Variants in RBFOX1 observed in about 807,000 individuals in gnomAD.
RBFOX1 encodes the protein RNA binding protein fox-1 homolog 1.
In RBFOX1, 8 loss-of-function variants were observed where a neutral mutation model predicts 57.7. That is an observed-to-expected ratio of 0.14 (90% CI 0.08 to 0.25). RBFOX1 has a LOEUF of 0.25. Among genes scored for constraint, RBFOX1 ranks in the 10% least tolerant of loss-of-function variants. The probability of loss-of-function intolerance (pLI) is 1.00; values close to 1 mark genes in which losing one functional copy is unlikely to be tolerated. For missense variants in RBFOX1, 611 were observed against 548.5 expected, an observed-to-expected ratio of 1.11 and a Z score of -1.14; for synonymous variants, 326 against 222.4, an observed-to-expected ratio of 1.47 and a Z score of -4.15.
At chr16:5,460,849 G>C (rs568538290) in intron 1 of RBFOX1, among the ~76,000 whole-genome samples, 1 of 152,260 alleles carries the variant, frequency 6.6e-6, no homozygotes, top group East Asian at 1.9e-4. Context: ...CCCATTGCAG[G>C]AGCGGAGCAC....
chr16:6,219,643 G>C (rs2097358900), intron 1 of RBFOX1, among the ~76,000 whole-genome samples: 1 of 152,078 alleles, frequency 6.6e-6, no homozygotes, highest in South Asian at 2.1e-4. Context: ...GGGAGGCCGA[G>C]GTGGGCAGAT....
chr16:6,541,726 A>G (rs1481240071), intron 2 of RBFOX1, among the ~76,000 whole-genome samples: 1 of 152,186 alleles, frequency 6.6e-6, no homozygotes, highest in Non-Finnish European at 1.5e-5. Context: ...AGCTGCTAAG[A>G]TAGTAGCTGT....
intron 3 of RBFOX1, among the ~76,000 whole-genome samples, chr16:6,752,049 G>T (rs978667040): frequency 3.9e-5 from 6 of 152,110 alleles, no homozygotes; most frequent in Non-Finnish European, 5.9e-5. Flanking sequence ...TTCAACTTCA[G>T]AAAGGTGTTA....
chr16:6,010,578 T>G (rs888079891), intron 4 of RBFOX1, among the ~76,000 whole-genome samples: 1 of 152,206 alleles, frequency 6.6e-6, no homozygotes, highest in Non-Finnish European at 1.5e-5. Flanking sequence ...ATGGTCGACT[T>G]CTGGAGGAAG....
chr16:7,039,981 T>C (rs1343535439), intron 3 of RBFOX1, among the ~76,000 whole-genome samples: 4 of 150,868 alleles, frequency 2.7e-5, no homozygotes, highest in South Asian at 4.3e-4. Flanking sequence ...CATTTACTCT[T>C]TTGGTGCTAT....
intron 4 of RBFOX1, among the ~76,000 whole-genome samples, chr16:7,151,367 A>G (rs1238274552): frequency 6.6e-6 from 1 of 152,170 alleles, no homozygotes; most frequent in Non-Finnish European, 1.5e-5. Flanking sequence ...TCATGAAATT[A>G]GGACTGCAAA....
In RBFOX1 at chr16:6,685,543, C is replaced by G. The variant is rs138450304; in HGVS notation, c.-16+30893C>G. ...CCTCCGGTGATCCGCGTTCCTCACT[C>G]TCCCAAAGTGCTGGGATTACAGGCA... On this transcript the variant is annotated intron_variant, in intron 3 of 15. Coordinates refer to ENST00000550418, the MANE Select transcript of RBFOX1 (RefSeq NM_018723.4). Among the ~76,000 whole-genome samples, 551 of 151,466 alleles carry G rather than the reference C, an allele frequency of 3.6e-3. 6 individuals are homozygous for G. Among genetic ancestry groups the G allele is most frequent in the African/African-American group, 0.012 (515 of 41,266 alleles).
chr16:5,921,641 A>G (rs1416338492), intron 4 of RBFOX1, among the ~76,000 whole-genome samples: 1 of 152,192 alleles, frequency 6.6e-6, no homozygotes, highest in East Asian at 1.9e-4. Context: ...GCGTTGCCCT[A>G]AAGAAATACC....
At chr16:6,193,394 A>ATATATATATATATACAT (rs2034292249) in intron 1 of RBFOX1, among the ~76,000 whole-genome samples, 1 of 24,548 alleles carries the variant, frequency 4.1e-5, no homozygotes. Flanking sequence ...TATATATACT[A>ATATATATATATATACAT]TATATATATA....
chr16:7,372,928 G>A (rs1165162174), intron 4 of RBFOX1, among the ~76,000 whole-genome samples: 1 of 136,958 alleles, frequency 7.3e-6, no homozygotes, highest in Non-Finnish European at 1.6e-5. Context: ...TAAAAACATA[G>A]AAATTGCATT....
At chr16:5,758,173 A>G (rs994654344) in intron 3 of RBFOX1, among the ~76,000 whole-genome samples, 1 of 152,132 alleles carries the variant, frequency 6.6e-6, no homozygotes, top group African/African-American at 2.4e-5. Context: ...TTTCTTCTGA[A>G]CTCTGCCATC....
chr16:5,364,467 C>G (rs989798415), intron 1 of RBFOX1, among the ~76,000 whole-genome samples: 5 of 152,220 alleles, frequency 3.3e-5, no homozygotes, highest in African/African-American at 1.2e-4. Flanking sequence ...CAAGTACAGC[C>G]TCAGCCAAGA....
chr16:5,941,818 C>T (rs764542990), intron 4 of RBFOX1, among the ~76,000 whole-genome samples: 12 of 151,792 alleles, frequency 7.9e-5, no homozygotes, highest in South Asian at 2.1e-4. Flanking sequence ...TTGCTCCGTG[C>T]GAAATAGACA....
chr16:7,242,011 CT>C (rs989381270), intron 4 of RBFOX1, among the ~76,000 whole-genome samples: 2 of 151,966 alleles, frequency 1.3e-5, no homozygotes, highest in African/African-American at 4.8e-5. Flanking sequence ...TTGGTAATCC[CT>C]TTTTTTGTGC....
intron 3 of RBFOX1, among the ~76,000 whole-genome samples, chr16:5,679,584 AT>A (rs2050267590): frequency 6.6e-6 from 1 of 152,044 alleles, no homozygotes; most frequent in African/African-American, 2.4e-5. Context: ...ACTCCCACTT[AT>A]GAGTGAGAAC....
rs560305598 is a variant in RBFOX1, at chr16:6,937,020, C to T, written c.-15-115037C>T. Among the ~76,000 whole-genome samples, 15 of 151,452 alleles carry T rather than the reference C, an allele frequency of 9.9e-5. No homozygotes were observed. The East Asian group carries it at 2.0e-3, about 20-fold the overall frequency. On this transcript the variant is annotated intron_variant, in intron 3 of 15. Transcript: ENST00000550418. ...TGACGAGTTAGTGGGGGTAGCACAC[C>T]AGCATTGCACATGTATACGTATGTA...
At chr16:7,188,188 G>A (rs1009292610) in intron 4 of RBFOX1, among the ~76,000 whole-genome samples, 1 of 152,182 alleles carries the variant, frequency 6.6e-6, no homozygotes, top group African/African-American at 2.4e-5. Flanking sequence ...GTATAAATAC[G>A]ATGGAATGAA....
At chr16:6,969,295 G>C (rs908650983) in intron 3 of RBFOX1, among the ~76,000 whole-genome samples, 1 of 152,160 alleles carries the variant, frequency 6.6e-6, no homozygotes, top group African/African-American at 2.4e-5. Flanking sequence ...GTTACTCAAC[G>C]AATCCTATTT....
chr16:7,128,412 G>A (rs1471613558), intron 4 of RBFOX1, among the ~76,000 whole-genome samples: 1 of 152,172 alleles, frequency 6.6e-6, no homozygotes, highest in Non-Finnish European at 1.5e-5. Flanking sequence ...GAGTGACCAT[G>A]AGTCTGATAA....
Sources: allele counts gnomAD v4.1 joint callset (sites outside exome capture counted in the v4.1 genomes callset), GRCh38; gene constraint gnomAD v4.1.1; transcripts MANE v1.5; gene names NCBI Gene and HGNC (gene_info 2026-07-23, HGNC 2026-07-21).